The following NCOA3 variants were observed in gnomAD, a reference collection of about 807,000 sequenced individuals.
NCOA3 encodes the protein CBP-interacting protein.
NCOA3 carries 51 observed loss-of-function variants against 158.8 expected under a neutral mutation model. The observed-to-expected ratio is 0.32, with a 90% CI of 0.26 to 0.41. The LOEUF (loss-of-function observed/expected upper bound fraction) is 0.41. Ranked by LOEUF, NCOA3 falls within the 10% of genes least tolerant of loss-of-function variation. The pLI is 1.00. For synonymous variants in NCOA3, 537 were observed against 592.4 expected, an observed-to-expected ratio of 0.91 and a Z score of 1.36; for missense variants, 1,510 against 1,746.6, an observed-to-expected ratio of 0.86 and a Z score of 2.41.
At chr20:47,621,390 A>G (rs1414578183) in intron 2 of NCOA3, among the ~76,000 whole-genome samples, 1 of 152,070 alleles carries the variant, frequency 6.6e-6, no homozygotes, top group Admixed American at 6.5e-5. Flanking sequence ...GTCCTCCAGC[A>G]TACGTCTCAG....
intron 5 of NCOA3, among the ~76,000 whole-genome samples, chr20:47,626,196 G>A (rs557978400): frequency 1.7e-4 from 26 of 152,342 alleles, no homozygotes; most frequent in African/African-American, 6.3e-4. Context: ...TATTTGTTTA[G>A]GGGCTGAAGC....
At chr20:47,541,055 A>G (rs966656614) in intron 1 of NCOA3, among the ~76,000 whole-genome samples, 1 of 152,040 alleles carries the variant, frequency 6.6e-6, no homozygotes, top group African/African-American at 2.4e-5. Flanking sequence ...AGAAAAGTAG[A>G]TCATGCTTTC....
intron 1 of NCOA3, among the ~76,000 whole-genome samples, chr20:47,553,903 G>A (rs2084962109): frequency 6.6e-6 from 1 of 152,074 alleles, no homozygotes; most frequent in South Asian, 2.1e-4. Flanking sequence ...TAATCCTTTG[G>A]GTATATGCCC....
In NCOA3 at chr20:47,520,004, C is replaced by T. The variant is rs372020347; in HGVS notation, c.-99+17985C>T. Among the ~76,000 whole-genome samples, 22 of 146,836 alleles carry T rather than the reference C, an allele frequency of 1.5e-4. No homozygotes were observed. In the East Asian group the frequency reaches 4.0e-3, roughly 27 times the overall value. ...GTCTCGAACTCCTGACCTTGTGATCCGCCGGCTTCAGCCTCCCAATGTGCT... is the reference window on the plus strand; with the variant it reads ...GTCTCGAACTCCTGACCTTGTGATCTGCCGGCTTCAGCCTCCCAATGTGCT... On this transcript the variant is annotated intron_variant, in intron 1 of 22. Coordinates refer to ENST00000371998, the MANE Select transcript of NCOA3 (RefSeq NM_181659.3).
chr20:47,569,410 TG>T (rs1182935376), intron 1 of NCOA3, among the ~76,000 whole-genome samples: 4 of 152,130 alleles, frequency 2.6e-5, no homozygotes, highest in Non-Finnish European at 5.9e-5. Flanking sequence ...CTGGATGCGG[TG>T]GCTCATGCCT....
At chr20:47,631,919 C>T (rs941758313) in intron 8 of NCOA3, among the ~76,000 whole-genome samples, 1 of 152,180 alleles carries the variant, frequency 6.6e-6, no homozygotes, top group Non-Finnish European at 1.5e-5. Context: ...CCACTTCTGA[C>T]CCCAGATGTA....
chr20:47,562,948 G>T (rs1156702821), intron 1 of NCOA3, among the ~76,000 whole-genome samples: 1 of 152,162 alleles, frequency 6.6e-6, no homozygotes, highest in African/African-American at 2.4e-5. Context: ...GTCTTGCTAT[G>T]TTGGCCGGAT....
chr20:47,550,211 G>T (rs183651369), intron 1 of NCOA3, among the ~76,000 whole-genome samples: 17 of 151,490 alleles, frequency 1.1e-4, no homozygotes, highest in Admixed American at 4.6e-4. Context: ...TTGGGAGGCC[G>T]AGGTGGGCAA....
chr20:47,642,586 T>G (rs984797052), intron 17 of NCOA3, among the ~76,000 whole-genome samples: 5 of 152,192 alleles, frequency 3.3e-5, no homozygotes, highest in Non-Finnish European at 5.9e-5. Flanking sequence ...AAAATATACT[T>G]ACGATTGCGA....
chr20:47,652,957 A>G lies in NCOA3; in HGVS notation c.4148A>G (p.His1383Arg), dbSNP rs2146352502. ...NSSFSQQQFA[H>R]QGNPAVYSMV... is the part of the protein sequence containing the mutation. ...TCCTTTTCCCAGCAGCAGTTTGCCC[A>G]CCAGGGGAATCCTGCAGTGTATAGT... Residue 1383 changes from histidine to arginine, a missense_variant, in exon 22 of 23, where the codon CAC becomes CGC. His to Arg is a conservative substitution (Grantham distance 29, BLOSUM62 0). Around this residue, in one of 4 missense-constraint regions of NCOA3, gnomAD observed 180 missense variants for 199.3 expected, o/e 0.90. Coordinates refer to ENST00000371998, the MANE Select transcript of NCOA3 (RefSeq NM_181659.3). 1 of 1,614,234 alleles carries G rather than the reference A, an allele frequency of 6.2e-7. No individual in the cohort carries two copies. Among genetic ancestry groups the G allele is most frequent in the Middle Eastern group, 1.6e-4 (1 of 6,062 alleles).
chr20:47,639,833 A>G lies in NCOA3; in HGVS notation c.2953+11A>G. 1 of 1,612,886 alleles carries G rather than the reference A, an allele frequency of 6.2e-7. No homozygotes were observed. Among genetic ancestry groups the G allele is most frequent in the South Asian group, 1.1e-5 (1 of 91,066 alleles). ...AGATGCTTCAAATGAGTAAGTGTCC[A>G]CCCTCCCCTCTTCATGAAAAAAGAA... On this transcript the variant is annotated intron_variant, in intron 15 of 22. Coordinates refer to ENST00000371998, the MANE Select transcript of NCOA3 (RefSeq NM_181659.3).
intron 8 of NCOA3, among the ~76,000 whole-genome samples, chr20:47,629,075 T>A (rs953774952): frequency 6.6e-6 from 1 of 152,190 alleles, no homozygotes; most frequent in Non-Finnish European, 1.5e-5. Context: ...TAACAAGTGA[T>A]ATAAAAATGG....
intron 2 of NCOA3, among the ~76,000 whole-genome samples, chr20:47,584,441 GAA>G (rs2085501849): frequency 6.6e-6 from 1 of 152,230 alleles, no homozygotes; most frequent in South Asian, 2.1e-4. Flanking sequence ...CCAATGTGGT[GAA>G]GCTCCGTCTC....
intron 1 of NCOA3, among the ~76,000 whole-genome samples, chr20:47,539,328 C>T (rs1425038701): frequency 2.0e-5 from 3 of 152,026 alleles, no homozygotes; most frequent in African/African-American, 4.8e-5. Flanking sequence ...TGGGTGACAA[C>T]GATACCCTGT....
intron 2 of NCOA3, among the ~76,000 whole-genome samples, chr20:47,611,466 C>G (rs1313250268): frequency 6.6e-6 from 1 of 152,074 alleles, no homozygotes; most frequent in Non-Finnish European, 1.5e-5. Flanking sequence ...AACTACAAAC[C>G]CCAGAGGTAA....
At chr20:47,552,798 A>G (rs1166872651) in intron 1 of NCOA3, among the ~76,000 whole-genome samples, 2 of 152,190 alleles carry the variant, frequency 1.3e-5, no homozygotes, top group African/African-American at 4.8e-5. Flanking sequence ...CTTGTTCTAG[A>G]GAGAAAATCA....
intron 2 of NCOA3, among the ~76,000 whole-genome samples, chr20:47,589,427 G>A (rs564206604): frequency 1.9e-3 from 284 of 151,962 alleles, no homozygotes; most frequent in African/African-American, 6.6e-3. Context: ...TCAGGCTGAC[G>A]TGCAGTGGCG....
chr20:47,622,350 G>A lies in NCOA3; in HGVS notation c.83+20G>A, dbSNP rs752971265. 6.7e-7 allele frequency: 1 copy of A among 1,495,234 alleles called. No individual in the cohort carries two copies. Among genetic ancestry groups the A allele is most frequent in the Non-Finnish European group, 9.1e-7 (1 of 1,093,206 alleles). The allele number at this position is 1,495,234 out of a possible 1,614,324, so 92.6% of individuals were successfully genotyped here. The stretch of plus-strand genomic sequence containing the variant: ...ACAAGGGTAGGTGACTTATTTCCTG[G>A]TGCTTTACCACACTTGTTGTGCCTT... On this transcript the variant is annotated intron_variant, in intron 3 of 22. Transcript: ENST00000371998.
chr20:47,640,159 G>A, intron 16 of NCOA3, 108 bp downstream of exon 16: 1 of 1,458,386 alleles, frequency 6.9e-7, no homozygotes, highest in Non-Finnish European at 9.4e-7. Flanking sequence ...CCCTATAATT[G>A]AGGTACTGGG....
Sources: gnomAD v4.1 joint callset for allele counts (sites outside exome capture counted in the v4.1 genomes callset) on GRCh38, gnomAD v4.1.1 for gene constraint, gnomAD v4.1.1 regional missense constraint, MANE v1.5 for transcripts, NCBI Gene and HGNC (gene_info 2026-07-23, HGNC 2026-07-21) for gene names.